Variants in CD1D observed in about 807,000 individuals in gnomAD.
CD1D encodes the protein CD1d molecule.
A neutral mutation model predicts 42.1 loss-of-function variants in CD1D; 40 were observed. The observed-to-expected ratio is 0.95, with a 90% CI of 0.74 to 1.24. CD1D has a LOEUF of 1.24. CD1D is among the 50% of genes most tolerant of loss of function. CD1D has a pLI of 0.00. For synonymous variants in CD1D, 178 were observed against 171.8 expected, an observed-to-expected ratio of 1.04 and a Z score of -0.28; for missense variants, 437 against 416.5, an observed-to-expected ratio of 1.05 and a Z score of -0.43.
intron 3 of CD1D, chr1:158,182,514 G>T: frequency 1.6e-6 from 1 of 633,882 alleles, no homozygotes; most frequent in South Asian, 1.9e-5. Context: ...ACAACTGGGG[G>T]TGAAAGGTGT....
chr1:158,178,975 A>G (rs1040917092), upstream of CD1D, among the ~76,000 whole-genome samples: 2 of 152,146 alleles, frequency 1.3e-5, no homozygotes, highest in African/African-American at 2.4e-5. Flanking sequence ...AAGGTAATAT[A>G]GCCTGGCCTC....
At chr1:158,178,916 G>T (rs1648267462), upstream of CD1D, among the ~76,000 whole-genome samples, 1 of 152,104 alleles carries the variant, frequency 6.6e-6, no homozygotes, top group Admixed American at 6.6e-5. Context: ...TAACTCAACT[G>T]ACCTTTGGGA....
At position 158,181,151 on chromosome 1, in the gene CD1D, G is replaced by T; in HGVS notation, c.50G>T (p.Gly17Val). The change falls in exon 1 of 6, where the codon GGA becomes GTA. Residue 17 changes from glycine (G) to valine (V), a missense_variant. Gly to Val is a moderately radical substitution (Grantham distance 109). Transcript: ENST00000674085. ...LLLWALLQAW[G>V]SAEVPQRLFP... is the part of the protein sequence containing the mutation. ...CTCTGGGCGCTCCTCCAGGCTTGGG[G>T]AAGCGCTGAAGGTGGGTGGAACGAG... 6.5e-7 allele frequency: 1 copy of T among 1,549,476 alleles called. No homozygotes were observed. The highest frequency in any genetic ancestry group is 2.4e-5 in the East Asian group (1 of 40,898).
In CD1D at chr1:158,180,938, A is replaced by T; in HGVS notation, c.-164A>T. ...GGCGAGGGCGCCCTTCGGCAGAAGC[A>T]GCAAACCGCCGGCAAGCCCAGCGAG... On this transcript the variant is annotated 5_prime_UTR_variant, in exon 1 of 6. Coordinates refer to ENST00000674085, the MANE Select transcript of CD1D (RefSeq NM_001371762.2). The T allele has an allele frequency of 1.8e-6, 1 of 562,638 alleles. No homozygotes were observed. 34.9% of individuals were successfully genotyped at this position (562,638 alleles called of 1,614,324 possible).
intron 3 of CD1D, among the ~76,000 whole-genome samples, chr1:158,182,633 CA>C: frequency 6.6e-6 from 1 of 152,112 alleles, no homozygotes; most frequent in Admixed American, 6.6e-5. Flanking sequence ...GGGGAACAGA[CA>C]AGGGGCATTC....
chr1:158,180,968 G>A lies in CD1D; in HGVS notation c.-134G>A. 4.0e-6 allele frequency: 3 copies of A among 756,776 alleles called. No individual in the cohort carries two copies. The highest frequency in any genetic ancestry group is 5.4e-5 in the South Asian group (2 of 36,722). The allele number at this position is 756,776 out of a possible 1,614,324, so 46.9% of individuals were successfully genotyped here. A position where few individuals can be genotyped will look rare whatever the true frequency, so the allele number is the denominator to read the frequency against. On this transcript the variant is annotated 5_prime_UTR_variant, in exon 1 of 6. Transcript: ENST00000674085. ...ACCGCCGGCAAGCCCAGCGAGGAGG[G>A]CTGCCGGGGTCTGGGCTTGGGAATT... is the stretch of plus-strand genomic sequence containing the variant.
In CD1D at chr1:158,186,312, T is replaced by TA. The variant is rs1236841645; in HGVS notation, c.*2165dup. Reference sequence around the variant, plus strand: ...TTCTGCATTCTGAGGGCACGTGTGTTAAAGTCTCTACTGATGTCCTTTTGG... The same window carrying TA: ...TTCTGCATTCTGAGGGCACGTGTGTTAAAAGTCTCTACTGATGTCCTTTTGG... On this transcript the variant is annotated 3_prime_UTR_variant, in exon 6 of 6. Coordinates refer to ENST00000674085, the MANE Select transcript of CD1D (RefSeq NM_001371762.2). Among the ~76,000 whole-genome samples the TA allele has an allele frequency of 3.9e-5, 6 of 152,218 alleles. No individual in the cohort carries two copies. Among genetic ancestry groups the TA allele is most frequent in the African/African-American group, 1.4e-4 (6 of 41,450 alleles).
Position 158,182,082 on chromosome 1 carries a change from G to T in CD1D, c.379G>T (p.Ala127Ser). ...SAGCEVHPGN[A>S]SNNFFHVAFQ... is the part of the protein sequence containing the mutation. ...TGGCTGTGAGGTGCACCCTGGGAAC[G>T]CCTCAAATAACTTCTTCCATGTAGC... Residue 127 changes from alanine to serine, a missense_variant, in exon 3 of 6, where the codon GCC (alanine) becomes TCC (serine). Ala to Ser is a moderately conservative substitution (Grantham distance 99, BLOSUM62 1). Coordinates refer to ENST00000674085, the MANE Select transcript of CD1D (RefSeq NM_001371762.2). 1.2e-6 allele frequency: 2 copies of T among 1,613,846 alleles called. No homozygotes were observed. The highest frequency in any genetic ancestry group is 1.7e-6 in the Non-Finnish European group (2 of 1,179,834).
intron 2 of CD1D, 125 bp downstream of exon 2, chr1:158,181,846 CT>C: frequency 7.2e-7 from 1 of 1,396,686 alleles, no homozygotes; most frequent in Non-Finnish European, 9.8e-7. Context: ...TCTGATTTCC[CT>C]TCTACCTGGA....
rs1327525411 is a variant in CD1D at position 158,183,245 on chromosome 1, AC to A, written c.886+92del. 7 of 1,472,908 alleles carry A rather than the reference AC, an allele frequency of 4.8e-6. No individual in the cohort carries two copies. The African/African-American group carries it at 8.4e-5, about 18-fold the overall frequency. 91.2% of individuals were successfully genotyped at this position (1,472,908 alleles called of 1,614,324 possible). ...ACTGGGGTGGGATGTGGCTTGATATACCCAGGTTAGAGGAGTTTCAGAGATG... is the reference window on the plus strand; with the variant it reads ...ACTGGGGTGGGATGTGGCTTGATATACCAGGTTAGAGGAGTTTCAGAGATG... On this transcript the variant is annotated intron_variant, in intron 4 of 5. Coordinates refer to ENST00000674085, the MANE Select transcript of CD1D (RefSeq NM_001371762.2).
chr1:158,186,223 A>C lies in CD1D; in HGVS notation c.*2073A>C, dbSNP rs1454478278. Reference sequence around the variant, plus strand: ...GTTTGGTACCACATTGCCCACCCTCACGTGGCGCTCTTCAGCTTAGGTTCC... The same window carrying C: ...GTTTGGTACCACATTGCCCACCCTCCCGTGGCGCTCTTCAGCTTAGGTTCC... On this transcript the variant is annotated 3_prime_UTR_variant, in exon 6 of 6. Transcript: ENST00000674085. Among the ~76,000 whole-genome samples the C allele has an allele frequency of 6.6e-6, 1 of 152,142 alleles. No individual in the cohort carries two copies. Among genetic ancestry groups the C allele is most frequent in the Non-Finnish European group, 1.5e-5 (1 of 68,032 alleles).
chr1:158,183,096 G>C lies in CD1D; in HGVS notation c.826G>C (p.Gly276Arg). 6.2e-7 allele frequency: 1 copy of C among 1,614,130 alleles called. No individual in the cohort carries two copies. The highest frequency in any genetic ancestry group is 2.2e-5 in the East Asian group (1 of 44,876). The change falls in exon 4 of 6, where the codon GGC becomes CGC. Residue 276 changes from glycine (G) to arginine (R), a missense_variant. Gly to Arg is a moderately radical substitution (Grantham distance 125). Coordinates refer to ENST00000674085, the MANE Select transcript of CD1D (RefSeq NM_001371762.2). ...TLDVVAGEAA[G>R]LSCRVKHSSL... is the part of the protein sequence containing the mutation. ...GGATGTGGTGGCTGGGGAGGCAGCT[G>C]GCCTGTCCTGTCGGGTGAAGCACAG...
intron 1 of CD1D, 110 bp downstream of exon 1, chr1:158,181,272 C>A: frequency 7.0e-7 from 1 of 1,434,150 alleles, no homozygotes; most frequent in South Asian, 1.3e-5. Flanking sequence ...CCGGGACGCA[C>A]TGGCGCGATC....
rs1421789325 is a variant in CD1D, at chr1:158,186,253, G to A, written c.*2103G>A. On this transcript the variant is annotated 3_prime_UTR_variant, in exon 6 of 6. Transcript: ENST00000674085. ...GCGCTCTTCAGCTTAGGTTCCTCTA[G>A]CAGTGTCAAGTTTGTGAACCAACCC... Among the ~76,000 whole-genome samples, 3 of 152,126 alleles carry A rather than the reference G, an allele frequency of 2.0e-5. No individual in the cohort carries two copies. Among genetic ancestry groups the A allele is most frequent in the Non-Finnish European group, 4.4e-5 (3 of 68,020 alleles).
chr1:158,182,852 C>A (rs1439253086), intron 3 of CD1D, 26 bp from the exon 4 acceptor site: 2 of 1,565,494 alleles, frequency 1.3e-6, no homozygotes, highest in South Asian at 1.2e-5. Context: ...ACTTTAAGAT[C>A]CCCCCCATTC....
upstream of CD1D, chr1:158,180,721 G>C (rs1398494387): frequency 4.7e-6 from 1 of 214,626 alleles, no homozygotes; most frequent in East Asian, 1.0e-4. Flanking sequence ...ACCATGGTTG[G>C]AATTGTAACA....
At chr1:158,180,611 A>G (rs1157554741), upstream of CD1D, among the ~76,000 whole-genome samples, 30 of 152,256 alleles carry the variant, frequency 2.0e-4, 1 homozygote, top group Admixed American at 2.0e-3. Flanking sequence ...TTTGGAAAAC[A>G]TAAAGATGTA....
upstream of CD1D, among the ~76,000 whole-genome samples, chr1:158,178,496 T>G (rs1648255275): frequency 6.6e-6 from 1 of 152,202 alleles, no homozygotes; most frequent in Non-Finnish European, 1.5e-5. Flanking sequence ...CATATAAGAT[T>G]CCAACTAATT....
At position 158,182,122 on chromosome 1, in the gene CD1D, A is replaced by G. The variant is rs1648462144; in HGVS notation, c.419A>G (p.Asp140Gly). Residue 140 changes from aspartate (D) to glycine (G), a missense_variant, in exon 3 of 6, where the codon GAT (aspartate) becomes GGT (glycine). By Grantham distance (94) the Asp-to-Gly change is moderately conservative (BLOSUM62 -1). Transcript: ENST00000674085. ...TTCCATGTAGCATTTCAAGGAAAAG[A>G]TATCCTGAGTTTCCAAGGAACTTCT... ...NFFHVAFQGK[D>G]ILSFQGTSWE... is the part of the protein sequence containing the mutation. 1 of 1,614,198 alleles carries G rather than the reference A, an allele frequency of 6.2e-7. No individual in the cohort carries two copies. The highest frequency in any genetic ancestry group is 8.5e-7 in the Non-Finnish European group (1 of 1,180,042).
Sources: allele counts gnomAD v4.1 joint callset (sites outside exome capture counted in the v4.1 genomes callset), GRCh38; gene constraint gnomAD v4.1.1; transcripts MANE v1.5; gene names NCBI Gene and HGNC (gene_info 2026-07-23, HGNC 2026-07-21).